ANGPT4: variants seen among roughly 807,000 people sequenced by gnomAD.
ANGPT4 encodes angiopoietin 4.
ANGPT4 carries 50 observed loss-of-function variants against 53.0 expected under a neutral mutation model. The ratio of observed to expected loss-of-function variants is 0.94; its 90% CI spans 0.75 to 1.20. The LOEUF (loss-of-function observed/expected upper bound fraction) is 1.20. Ranked by LOEUF, ANGPT4 falls within the 50% of genes most tolerant of loss-of-function variation. ANGPT4 has a pLI of 0.00. For missense variants in ANGPT4, 648 were observed against 637.1 expected (o/e 1.02, Z -0.18); for synonymous variants, 251 against 259.7 (o/e 0.97, Z 0.32).
chr20:888,500 C>A, intron 2 of ANGPT4, 61 bp from the exon 3 acceptor site: 1 of 1,552,880 alleles, frequency 6.4e-7, no homozygotes, highest in Non-Finnish European at 8.7e-7. Context: ...CCCTGCCCAA[C>A]CACCCACCTG....
chr20:889,602 A>G (rs1320563028), intron 2 of ANGPT4, among the ~76,000 whole-genome samples: 1 of 152,200 alleles, frequency 6.6e-6, no homozygotes, highest in Non-Finnish European at 1.5e-5. Flanking sequence ...GCATAACCAT[A>G]TATGTCACTT....
chr20:890,078 G>A (rs1981772508), intron 2 of ANGPT4, 135 bp downstream of exon 2: 1 of 1,081,390 alleles, frequency 9.2e-7, no homozygotes, highest in South Asian at 1.6e-5. Context: ...TCAGGGAGGA[G>A]GGACCCGGGG....
rs746887158 is a variant in ANGPT4 at position 885,303 on chromosome 20, C to T, written c.610G>A (p.Ala204Thr). The T allele has an allele frequency of 3.2e-5, 50 of 1,584,260 alleles. No homozygotes were observed. The highest frequency in any genetic ancestry group is 4.2e-5 in the Non-Finnish European group (49 of 1,169,084). The change falls in exon 4 of 9, where the codon GCC becomes ACC. Residue 204 changes from alanine (A) to threonine (T), a missense_variant. Physicochemically the swap from Ala to Thr is moderately conservative, Grantham distance 58 (BLOSUM62 0). Coordinates refer to ENST00000381922, the MANE Select transcript of ANGPT4 (RefSeq NM_015985.4). The stretch of plus-strand genomic sequence containing the variant: ...TCCTCCTGCTGCTTGGTCTCCAGGG[C>T]CTGCAACCGCTTCTCGAGCGCGCTG... ...QNSALEKRLQ[A>T]LETKQQEELA... is the part of the protein sequence containing the mutation.
At chr20:891,971 A>AGTT (rs1380833303) in intron 1 of ANGPT4, among the ~76,000 whole-genome samples, 2 of 152,068 alleles carry the variant, frequency 1.3e-5, no homozygotes, top group Admixed American at 1.3e-4. Context: ...TGTGGTTAAC[A>AGTT]ACACCCCTGG....
intron 4 of ANGPT4, among the ~76,000 whole-genome samples, chr20:882,759 C>A (rs1448106647): frequency 6.6e-6 from 1 of 152,228 alleles, no homozygotes; most frequent in African/African-American, 2.4e-5. Flanking sequence ...CTTTCCAAGG[C>A]TCTGCTCACT....
chr20:907,214 C>T (rs1441925490), intron 1 of ANGPT4, among the ~76,000 whole-genome samples: 1 of 152,174 alleles, frequency 6.6e-6, no homozygotes, highest in African/African-American at 2.4e-5. Context: ...CACAGTAGTG[C>T]CTCCCATATT....
In ANGPT4 at chr20:874,354, G is replaced by A. The variant is rs1981074493; in HGVS notation, c.1281C>T (p.Asn427=). The A allele has an allele frequency of 4.3e-6, 7 of 1,614,216 alleles. No homozygotes were observed. Among genetic ancestry groups the A allele is most frequent in the Non-Finnish European group, 5.9e-6 (7 of 1,180,038 alleles). ...AGRQSSLVLQ[N]TSFSTLDSDN... ...CTGAGTCAAGGGTGCTAAAGCTGGT[G>A]TTCTGCAGGACCAGGCTGCTCTGGC... The change falls in exon 8 of 9, where the codon AAC becomes AAT. Residue 427 remains asparagine, a synonymous_variant. Transcript: ENST00000381922.
chr20:905,996 A>G (rs1982463758), intron 1 of ANGPT4, among the ~76,000 whole-genome samples: 1 of 152,230 alleles, frequency 6.6e-6, no homozygotes, highest in African/African-American at 2.4e-5. Context: ...TGGTCTCCAG[A>G]GACCACACCC....
chr20:881,775 G>A (rs1981416922), intron 4 of ANGPT4, among the ~76,000 whole-genome samples: 1 of 152,226 alleles, frequency 6.6e-6, no homozygotes, highest in Non-Finnish European at 1.5e-5. Flanking sequence ...CCAGGCTGCG[G>A]AGCCCAGATT....
At position 891,442 on chromosome 20, in the gene ANGPT4, A is replaced by G. The variant is rs527840660; in HGVS notation, c.310-1074T>C. Among the ~76,000 whole-genome samples, 137 of 152,202 alleles carry G rather than the reference A, an allele frequency of 9.0e-4. 1 individual carries two copies. Among genetic ancestry groups the G allele is most frequent in the Non-Finnish European group, 1.5e-3 (104 of 68,024 alleles). ...AGGAGAGCTGGTCTGGCATGACACCAGTATGCTGTTGTAAAGGTGAACAGT... is the reference window on the plus strand; with the variant it reads ...AGGAGAGCTGGTCTGGCATGACACCGGTATGCTGTTGTAAAGGTGAACAGT... On this transcript the variant is annotated intron_variant, in intron 1 of 8. Coordinates refer to ENST00000381922, the MANE Select transcript of ANGPT4 (RefSeq NM_015985.4).
At chr20:880,501 T>C (rs1981359061) in intron 5 of ANGPT4, among the ~76,000 whole-genome samples, 1 of 151,956 alleles carries the variant, frequency 6.6e-6, no homozygotes, top group Non-Finnish European at 1.5e-5. Context: ...GGCAGGAGGA[T>C]CACTCGAGCC....
rs1184832056 is a variant in ANGPT4, at chr20:874,457, T to C, written c.1221-43A>G. ...GTGGTGGTGGCAGAAGGGCCCAGAG[T>C]CAGGTTGGGGCTGTGTCGAGCAAGA... On this transcript the variant is annotated intron_variant, in intron 7 of 8. Transcript: ENST00000381922. The C allele has an allele frequency of 2.5e-6, 4 of 1,610,172 alleles. No homozygotes were observed. The South Asian group carries it at 4.4e-5, about 18-fold the overall frequency.
intron 6 of ANGPT4, among the ~76,000 whole-genome samples, chr20:879,507 T>TA (rs1012162351): frequency 5.9e-5 from 9 of 152,012 alleles, no homozygotes; most frequent in East Asian, 3.8e-4. Flanking sequence ...TGTATTTTTT[T>TA]AAAAAAAATT....
At chr20:903,407 C>T (rs1158619730) in intron 1 of ANGPT4, among the ~76,000 whole-genome samples, 1 of 152,152 alleles carries the variant, frequency 6.6e-6, no homozygotes, top group Non-Finnish European at 1.5e-5. Context: ...GCCACTTCCA[C>T]CCCAGTCCCA....
At chr20:899,542 C>T (rs370432362) in intron 1 of ANGPT4, among the ~76,000 whole-genome samples, 87 of 152,176 alleles carry the variant, frequency 5.7e-4, no homozygotes, top group East Asian at 4.6e-3. Flanking sequence ...CATGAACCAC[C>T]GCCCCCGGCC....
At chr20:899,054 A>G (rs1344357899) in intron 1 of ANGPT4, among the ~76,000 whole-genome samples, 2 of 152,166 alleles carry the variant, frequency 1.3e-5, no homozygotes, top group African/African-American at 2.4e-5. Flanking sequence ...AGCCTCCTGG[A>G]CCATCACAGA....
Position 885,207 on chromosome 20 carries a change from T to C in ANGPT4, c.706A>G (p.Asn236Asp). The C allele has an allele frequency of 1.3e-6, 2 of 1,598,468 alleles. No individual in the cohort carries two copies. The highest frequency in any genetic ancestry group is 1.7e-6 in the Non-Finnish European group (2 of 1,172,446). ...TLSRQSAALT[N>D]IERGLRGVRH... ...ACACCGCGCAGGCCGCGCTCGATGT[T>C]GGTGAGGGCGGCGCTCTGGCGGCTC... Residue 236 changes from asparagine (N) to aspartate (D), a missense_variant, in exon 4 of 9, where the codon AAC becomes GAC. By Grantham distance (23) the Asn-to-Asp change is conservative. Transcript: ENST00000381922.
intron 7 of ANGPT4, among the ~76,000 whole-genome samples, chr20:877,926 G>A (rs1267897183): frequency 1.3e-5 from 2 of 152,204 alleles, no homozygotes; most frequent in African/African-American, 2.4e-5. Context: ...TTGCTCCTCG[G>A]ATGGCAGCAC....
intron 7 of ANGPT4, among the ~76,000 whole-genome samples, chr20:874,852 AT>A (rs2122753989): frequency 6.6e-6 from 1 of 152,228 alleles, no homozygotes; most frequent in Non-Finnish European, 1.5e-5. Flanking sequence ...AAATGGGACA[AT>A]AGGCACGGGC....
Sources: gnomAD v4.1 joint callset for allele counts (sites outside exome capture counted in the v4.1 genomes callset) on GRCh38, gnomAD v4.1.1 for gene constraint, MANE v1.5 for transcripts, NCBI Gene and HGNC (gene_info 2026-07-23, HGNC 2026-07-21) for gene names.